The following C18orf54 variants were observed in gnomAD, a reference collection of about 807,000 sequenced individuals.
C18orf54 encodes lung adenoma susceptibility protein 2.
Under a neutral mutation model 49.3 loss-of-function variants are expected in C18orf54, and 49 were observed. The observed-to-expected ratio is 0.99, with a 90% CI of 0.79 to 1.26. The LOEUF (loss-of-function observed/expected upper bound fraction) is 1.26, where lower values mean the gene tolerates loss of function less well. Among genes scored for constraint, C18orf54 ranks in the 50% most tolerant of loss-of-function variants. C18orf54 has a pLI of 0.00. For synonymous variants in C18orf54, 211 were observed against 216.6 expected, an observed-to-expected ratio of 0.97 and a Z score of 0.23; for missense variants, 687 against 620.6, an observed-to-expected ratio of 1.11 and a Z score of -1.14.
At position 54,378,337 on chromosome 18, in the gene C18orf54, G is replaced by A; in HGVS notation, c.*91G>A. The A allele has an allele frequency of 9.0e-7, 1 of 1,115,804 alleles. No individual in the cohort carries two copies. Among genetic ancestry groups the A allele is most frequent in the South Asian group, 1.4e-5 (1 of 69,928 alleles). The allele number at this position is 1,115,804 out of a possible 1,614,324, so 69.1% of individuals were successfully genotyped here. ...ACTTAAACTGACAAAGTAAATATAAGCCATACATTATTTTGTGGTTGGTTC... is the reference window on the plus strand; with the variant it reads ...ACTTAAACTGACAAAGTAAATATAAACCATACATTATTTTGTGGTTGGTTC... On this transcript the variant is annotated 3_prime_UTR_variant, in exon 9 of 9. Transcript: ENST00000620105.
chr18:54,369,830 T>G (rs1267204197), intron 6 of C18orf54, among the ~76,000 whole-genome samples: 1 of 152,152 alleles, frequency 6.6e-6, no homozygotes, highest in African/African-American at 2.4e-5. Flanking sequence ...TTTCCAGAGT[T>G]ACTTAGGTTA....
At chr18:54,374,387 T>A in intron 8 of C18orf54, 103 bp downstream of exon 8, 1 of 1,240,232 alleles carries the variant, frequency 8.1e-7, no homozygotes, top group Non-Finnish European at 1.1e-6. Flanking sequence ...GTAGCACTAC[T>A]AGGCATATTT....
intron 7 of C18orf54, among the ~76,000 whole-genome samples, chr18:54,373,508 A>G (rs1289975885): frequency 1.3e-5 from 2 of 151,810 alleles, no homozygotes; most frequent in Non-Finnish European, 3.0e-5. Flanking sequence ...CTTCTCGCCT[A>G]ACTAAAATGT....
At position 54,379,034 on chromosome 18, in the gene C18orf54, T is replaced by C. The variant is rs556480657; in HGVS notation, c.*788T>C. The C allele has an allele frequency of 1.3e-5, 2 of 152,204 alleles. No individual in the cohort carries two copies. The highest frequency in any genetic ancestry group is 4.1e-4 in the South Asian group (2 of 4,826). 9.4% of individuals were successfully genotyped at this position (152,204 alleles called of 1,614,324 possible). On this transcript the variant is annotated 3_prime_UTR_variant, in exon 9 of 9. Coordinates refer to ENST00000620105, the MANE Select transcript of C18orf54 (RefSeq NM_001288980.2). Reference sequence around the variant, plus strand: ...GTGAAAACTATGACTCAATGGCCAATTGCTTTATCAAATTTGATAACTAAA... The same window carrying C: ...GTGAAAACTATGACTCAATGGCCAACTGCTTTATCAAATTTGATAACTAAA...
In C18orf54 at chr18:54,380,720, A is replaced by G. The variant is rs896638603; in HGVS notation, c.*2474A>G. 1 of 152,124 alleles carries G rather than the reference A, an allele frequency of 6.6e-6. No homozygotes were observed. The highest frequency in any genetic ancestry group is 2.4e-5 in the African/African-American group (1 of 41,440). The allele number at this position is 152,124 out of a possible 1,614,324, so 9.4% of individuals were successfully genotyped here. A position where few individuals can be genotyped will look rare whatever the true frequency, so the allele number is the denominator to read the frequency against. On this transcript the variant is annotated 3_prime_UTR_variant, in exon 9 of 9. Coordinates refer to ENST00000620105, the MANE Select transcript of C18orf54 (RefSeq NM_001288980.2). ...TTGTTTTAGTATTTAATGGTGTATA[A>G]TGTGTTATTACATTATATGTAGTTA...
At position 54,360,834 on chromosome 18, in the gene C18orf54, T is replaced by A; in HGVS notation, c.262T>A (p.Tyr88Asn). ...TACTAATATGTCACAGTTCTGCAAC[T>A]ATATTTACAAACCAAACAATGGTAT... The part of the protein sequence containing the change: ...DFTNMSQFCN[Y>N]IYKPNNAFEN... Residue 88 changes from tyrosine (Y) to asparagine (N), a missense_variant, in exon 3 of 9, where the codon TAT becomes AAT. Coordinates refer to ENST00000620105, the MANE Select transcript of C18orf54 (RefSeq NM_001288980.2). 3 of 1,612,178 alleles carry A rather than the reference T, an allele frequency of 1.9e-6. No homozygotes were observed. The highest frequency in any genetic ancestry group is 2.5e-6 in the Non-Finnish European group (3 of 1,178,984).
Position 54,381,615 on chromosome 18 carries a change from A to T in C18orf54, c.*3369A>T, listed in dbSNP as rs780200997. The T allele has an allele frequency of 6.6e-6, 1 of 152,164 alleles. No individual in the cohort carries two copies. The highest frequency in any genetic ancestry group is 1.5e-5 in the Non-Finnish European group (1 of 68,026). The allele number at this position is 152,164 out of a possible 1,614,324, so 9.4% of individuals were successfully genotyped here. A position where few individuals can be genotyped will look rare whatever the true frequency, so the allele number is the denominator to read the frequency against. On this transcript the variant is annotated 3_prime_UTR_variant, in exon 9 of 9. Transcript: ENST00000620105. ...GTCATCTTTGTGCATATTATTTCTC[A>T]TGCATGAAATACTCAATTTTTATTC...
In C18orf54 at chr18:54,360,428, T is replaced by C. The variant is rs1444292094; in HGVS notation, c.-46-99T>C. The C allele has an allele frequency of 1.1e-5, 8 of 712,006 alleles. No individual in the cohort carries two copies. The East Asian group carries it at 2.2e-4, about 19-fold the overall frequency. 44.1% of individuals were successfully genotyped at this position (712,006 alleles called of 1,614,324 possible). The stretch of plus-strand genomic sequence containing the variant: ...TGTCTGTTATAGATAATGGATTTTA[T>C]TATTTAAAGAAAATTACAAAAGGTT... On this transcript the variant is annotated intron_variant, in intron 2 of 8. Transcript: ENST00000620105.
At chr18:54,360,214 A>C (rs955054062) in intron 2 of C18orf54, among the ~76,000 whole-genome samples, 4 of 152,202 alleles carry the variant, frequency 2.6e-5, no homozygotes, top group African/African-American at 9.6e-5. Context: ...AAAGAGGTTC[A>C]TAAGTAGTTT....
At chr18:54,377,038 G>A (rs1307073515) in intron 8 of C18orf54, among the ~76,000 whole-genome samples, 1 of 150,740 alleles carries the variant, frequency 6.6e-6, no homozygotes, top group Admixed American at 6.6e-5. Flanking sequence ...ATTTAATTTT[G>A]TTTTTTTGAG....
chr18:54,358,620 G>C (rs184217728), intron 1 of C18orf54, 154 bp from the exon 2 acceptor site: 1 of 152,224 alleles, frequency 6.6e-6, no homozygotes, highest in Non-Finnish European at 1.5e-5. Context: ...TTCGCTGGCC[G>C]GTCGGTGGGT....
chr18:54,360,723 G>A lies in C18orf54; in HGVS notation c.151G>A (p.Ala51Thr). Residue 51 changes from alanine to threonine, a missense_variant, in exon 3 of 9, where the codon GCT becomes ACT. Transcript: ENST00000620105. ...KDKLYRSASQALQAYIDDFDL... is the reference protein window; with the variant it reads ...KDKLYRSASQTLQAYIDDFDL... ...TAAGCTGTACAGATCTGCTTCTCAA[G>A]CTCTACAGGCTTATATTGATGATTT... 2 of 1,614,034 alleles carry A rather than the reference G, an allele frequency of 1.2e-6. No individual in the cohort carries two copies. The highest frequency in any genetic ancestry group is 1.7e-6 in the Non-Finnish European group (2 of 1,179,960).
At chr18:54,374,734 T>C (rs2089542287) in intron 8 of C18orf54, among the ~76,000 whole-genome samples, 1 of 151,926 alleles carries the variant, frequency 6.6e-6, no homozygotes, top group African/African-American at 2.4e-5. Flanking sequence ...AGTTACAGTG[T>C]CTTAAATAAT....
chr18:54,371,731 T>A (rs2089489021), intron 6 of C18orf54, among the ~76,000 whole-genome samples: 1 of 152,148 alleles, frequency 6.6e-6, no homozygotes. Context: ...AAGTAGTACT[T>A]ATGGTGCACA....
In C18orf54 at chr18:54,379,195, C is replaced by T. The variant is rs973689573; in HGVS notation, c.*949C>T. On this transcript the variant is annotated 3_prime_UTR_variant, in exon 9 of 9. Transcript: ENST00000620105. The stretch of plus-strand genomic sequence containing the variant: ...CTGAACAAAGCTCTATAATTTTTAC[C>T]AAGCACTTATTATTAATACTTCTTA... 6.6e-6 allele frequency: 1 copy of T among 151,896 alleles called. No individual in the cohort carries two copies. Among genetic ancestry groups the T allele is most frequent in the Non-Finnish European group, 1.5e-5 (1 of 67,914 alleles). 9.4% of individuals were successfully genotyped at this position (151,896 alleles called of 1,614,324 possible).
Position 54,380,256 on chromosome 18 carries a change from A to G in C18orf54, c.*2010A>G, listed in dbSNP as rs2144765561. ...TTCCAGGGGAAAAGAGCAGGATAACAGTGTGGAGACTGCTAAGTTGAGAAT... is the reference window on the plus strand; with the variant it reads ...TTCCAGGGGAAAAGAGCAGGATAACGGTGTGGAGACTGCTAAGTTGAGAAT... On this transcript the variant is annotated 3_prime_UTR_variant, in exon 9 of 9. Transcript: ENST00000620105. 1 of 152,186 alleles carries G rather than the reference A, an allele frequency of 6.6e-6. No individual in the cohort carries two copies. The highest frequency in any genetic ancestry group is 1.5e-5 in the Non-Finnish European group (1 of 67,906). 9.4% of individuals were successfully genotyped at this position (152,186 alleles called of 1,614,324 possible). A position where few individuals can be genotyped will look rare whatever the true frequency, so the allele number is the denominator to read the frequency against.
chr18:54,370,748 C>T (rs1296116103), intron 6 of C18orf54, among the ~76,000 whole-genome samples: 5 of 152,104 alleles, frequency 3.3e-5, no homozygotes, highest in Admixed American at 3.3e-4. Context: ...GATACTCTGA[C>T]CACTGCTTTG....
chr18:54,364,761 G>A (rs986704398), intron 5 of C18orf54, among the ~76,000 whole-genome samples: 2 of 151,990 alleles, frequency 1.3e-5, no homozygotes, highest in African/African-American at 4.8e-5. Flanking sequence ...CAAAGTGTTA[G>A]CAAAGAATAG....
intron 1 of C18orf54, among the ~76,000 whole-genome samples, chr18:54,358,380 TG>T (rs993572191): frequency 6.4e-4 from 98 of 152,324 alleles, no homozygotes; most frequent in African/African-American, 2.3e-3. Flanking sequence ...GCTTGCGCTC[TG>T]GGGCTGTCGC....
Sources: allele counts gnomAD v4.1 joint callset (sites outside exome capture counted in the v4.1 genomes callset), GRCh38; gene constraint gnomAD v4.1.1; transcripts MANE v1.5; gene names NCBI Gene and HGNC (gene_info 2026-07-23, HGNC 2026-07-21).